DPP10: variants seen among roughly 807,000 people sequenced by gnomAD.
DPP10 encodes inactive dipeptidyl peptidase 10.
A neutral mutation model predicts 120.9 loss-of-function variants in DPP10; 33 were observed. The observed-to-expected ratio is 0.27, with a 90% CI of 0.21 to 0.37. The LOEUF (loss-of-function observed/expected upper bound fraction) is 0.37, where lower values mean the gene tolerates loss of function less well. Ranked by LOEUF, DPP10 falls within the 10% of genes least tolerant of loss-of-function variation. DPP10 has a pLI of 1.00. For missense variants in DPP10, 816 were observed against 942.8 expected, an observed-to-expected ratio of 0.87 and a Z score of 1.76; for synonymous variants, 337 against 326.1, an observed-to-expected ratio of 1.03 and a Z score of -0.36.
chr2:114,591,798 C>T (rs1281798222), intron 1 of DPP10, among the ~76,000 whole-genome samples: 1 of 151,912 alleles, frequency 6.6e-6, no homozygotes, highest in Admixed American at 6.6e-5. Context: ...CATGATCTGC[C>T]CACCTTGGCC....
chr2:114,673,239 T>C (rs1299696936), intron 1 of DPP10, among the ~76,000 whole-genome samples: 1 of 152,118 alleles, frequency 6.6e-6, no homozygotes, highest in Non-Finnish European at 1.5e-5. Flanking sequence ...AAATCCTTGC[T>C]CCCTCCATAG....
At chr2:114,836,499 G>A (rs948256518) in intron 1 of DPP10, among the ~76,000 whole-genome samples, 1 of 152,148 alleles carries the variant, frequency 6.6e-6, no homozygotes, top group Non-Finnish European at 1.5e-5. Flanking sequence ...GGGAGTGTAC[G>A]AATAGCGTGT....
At chr2:114,735,833 G>A (rs1677375153) in intron 1 of DPP10, among the ~76,000 whole-genome samples, 1 of 151,868 alleles carries the variant, frequency 6.6e-6, no homozygotes, top group Admixed American at 6.5e-5. Flanking sequence ...TGATGAGTAG[G>A]AGACTTTAGG....
intron 3 of DPP10, among the ~76,000 whole-genome samples, chr2:115,374,085 C>G (rs918850003): frequency 6.6e-6 from 1 of 152,104 alleles, no homozygotes; most frequent in South Asian, 2.1e-4. Flanking sequence ...CAGAGCCAAA[C>G]CGTATCTTTC....
intron 2 of DPP10, among the ~76,000 whole-genome samples, chr2:115,335,642 A>G (rs2063080693): frequency 6.6e-6 from 1 of 152,118 alleles, no homozygotes. Context: ...AATGGCAGAT[A>G]TTTTGAAAAA....
At chr2:115,004,338 GA>G (rs1701655145) in intron 1 of DPP10, among the ~76,000 whole-genome samples, 1 of 151,590 alleles carries the variant, frequency 6.6e-6, no homozygotes, top group African/African-American at 2.4e-5. Flanking sequence ...TTAGCATATA[GA>G]AAAGACAAAT....
intron 3 of DPP10, among the ~76,000 whole-genome samples, chr2:115,380,267 T>G (rs1156331009): frequency 1.3e-5 from 2 of 152,220 alleles, no homozygotes; most frequent in Non-Finnish European, 2.9e-5. Flanking sequence ...TTAGGATAGT[T>G]AGCTCTTCTT....
At chr2:115,014,666 C>A (rs1275459517) in intron 1 of DPP10, among the ~76,000 whole-genome samples, 1 of 152,104 alleles carries the variant, frequency 6.6e-6, no homozygotes, top group African/African-American at 2.4e-5. Context: ...CATATCACCA[C>A]TGATCCCAAA....
chr2:114,447,033 A>ATTT (rs1553442503), intron 1 of DPP10, among the ~76,000 whole-genome samples: 1 of 100,910 alleles, frequency 9.9e-6, no homozygotes, highest in Non-Finnish European at 2.1e-5. Flanking sequence ...CTGGTTGTTA[A>ATTT]ATTTTTTTTT....
intron 8 of DPP10, among the ~76,000 whole-genome samples, chr2:115,735,674 C>T (rs546951647): frequency 1.4e-5 from 2 of 147,688 alleles, no homozygotes; most frequent in East Asian, 2.0e-4. Flanking sequence ...GTGCCCACCA[C>T]GCCCAGCTAA....
chr2:114,818,353 T>A (rs992442153), intron 1 of DPP10, among the ~76,000 whole-genome samples: 2 of 152,210 alleles, frequency 1.3e-5, no homozygotes, highest in African/African-American at 4.8e-5. Flanking sequence ...CAAGTAACTA[T>A]ATGTTGAACT....
intron 1 of DPP10, among the ~76,000 whole-genome samples, chr2:114,734,018 C>T (rs1013978508): frequency 6.6e-6 from 1 of 152,140 alleles, no homozygotes; most frequent in Admixed American, 6.6e-5. Flanking sequence ...CATAAATTCT[C>T]ATCAGATAGG....
At chr2:115,577,058 C>G (rs1446682075) in intron 5 of DPP10, among the ~76,000 whole-genome samples, 1 of 152,196 alleles carries the variant, frequency 6.6e-6, no homozygotes, top group African/African-American at 2.4e-5. Context: ...AAGGAGATGA[C>G]AGATAAAGAT....
At chr2:115,362,424 A>G (rs184068236) in intron 3 of DPP10, among the ~76,000 whole-genome samples, 1 of 152,332 alleles carries the variant, frequency 6.6e-6, no homozygotes, top group East Asian at 1.9e-4. Context: ...CTTGTTCAAG[A>G]ACACAGAGAT....
chr2:115,674,972 A>G (rs1206339415), intron 5 of DPP10, among the ~76,000 whole-genome samples: 2 of 152,222 alleles, frequency 1.3e-5, no homozygotes, highest in Admixed American at 1.3e-4. Context: ...CACATAAAGA[A>G]CACATTAATC....
At chr2:114,452,743 T>C (rs1230686061) in intron 1 of DPP10, among the ~76,000 whole-genome samples, 1 of 152,220 alleles carries the variant, frequency 6.6e-6, no homozygotes, top group Non-Finnish European at 1.5e-5. Flanking sequence ...AAAAGTCCCT[T>C]AGTAGAACAC....
intron 1 of DPP10, among the ~76,000 whole-genome samples, chr2:115,262,910 C>G (rs1343417979): frequency 6.6e-6 from 1 of 152,046 alleles, no homozygotes. Context: ...AAAACATAAA[C>G]CAAAATCATG....
chr2:114,888,523 A>G (rs1462669616), intron 1 of DPP10, among the ~76,000 whole-genome samples: 1 of 152,214 alleles, frequency 6.6e-6, no homozygotes, highest in African/African-American at 2.4e-5. Flanking sequence ...AAAAAAAATG[A>G]TGATCAAAAC....
At chr2:115,014,523 GA>G (rs1702494280) in intron 1 of DPP10, among the ~76,000 whole-genome samples, 1 of 151,738 alleles carries the variant, frequency 6.6e-6, no homozygotes, top group Non-Finnish European at 1.5e-5. Context: ...TTAGAGACAC[GA>G]AAAACCCTTC....
Sources: allele counts gnomAD v4.1 joint callset (sites outside exome capture counted in the v4.1 genomes callset), GRCh38; gene constraint gnomAD v4.1.1; transcripts MANE v1.5; gene names NCBI Gene and HGNC (gene_info 2026-07-23, HGNC 2026-07-21).